WDR1: variants seen among roughly 807,000 people sequenced by gnomAD.
WDR1 encodes WD repeat domain 1.
In WDR1, 21 loss-of-function variants were observed where a neutral mutation model predicts 71.9. That is an observed-to-expected ratio of 0.29 (90% CI 0.21 to 0.42). The LOEUF (loss-of-function observed/expected upper bound fraction) is 0.42, where lower values mean the gene tolerates loss of function less well. Ranked by LOEUF, WDR1 falls within the 10% of genes least tolerant of loss-of-function variation. WDR1 has a pLI of 1.00. For synonymous variants in WDR1, 424 were observed against 347.4 expected, an observed-to-expected ratio of 1.22 and a Z score of -2.45; for missense variants, 696 against 824.5, an observed-to-expected ratio of 0.84 and a Z score of 1.91.
At chr4:10,092,460 A>C (rs1265163861) in intron 5 of WDR1, 1 of 154,074 alleles carries the variant, frequency 6.5e-6, no homozygotes, top group Non-Finnish European at 1.4e-5. Flanking sequence ...CCCAAATCCA[A>C]GTCTGTGGTT....
intron 3 of WDR1, among the ~76,000 whole-genome samples, chr4:10,103,171 T>A (rs777103036): frequency 3.9e-5 from 6 of 151,978 alleles, no homozygotes; most frequent in Non-Finnish European, 8.8e-5. Flanking sequence ...AGTGTACAAA[T>A]AAAACGTGAG....
intron 2 of WDR1, among the ~76,000 whole-genome samples, chr4:10,107,372 G>A (rs1363774579): frequency 6.6e-6 from 1 of 152,124 alleles, no homozygotes; most frequent in Non-Finnish European, 1.5e-5. Flanking sequence ...TGGGAAGAGC[G>A]ATAACTGCTT....
chr4:10,077,588 C>T (rs1764847305), intron 13 of WDR1, 140 bp from the exon 14 acceptor site: 3 of 1,484,642 alleles, frequency 2.0e-6, no homozygotes, highest in Admixed American at 1.9e-5. Flanking sequence ...CCCCTGCAAA[C>T]CCACTGACTC....
intron 11 of WDR1, 48 bp downstream of exon 11, chr4:10,081,309 C>A (rs1765004365): frequency 6.3e-7 from 1 of 1,575,464 alleles, no homozygotes; most frequent in African/African-American, 1.3e-5. Context: ...AGCAAGCAGG[C>A]ACCACACAGC....
chr4:10,082,902 G>A, intron 10 of WDR1, 120 bp downstream of exon 10: 1 of 1,285,638 alleles, frequency 7.8e-7, no homozygotes, highest in Non-Finnish European at 1.1e-6. Flanking sequence ...CTGGGGACGG[G>A]GTGGGAGAGA....
chr4:10,116,361 C>T (rs765055892), intron 1 of WDR1, 127 bp from the exon 2 acceptor site: 17 of 1,397,960 alleles, frequency 1.2e-5, no homozygotes, highest in Non-Finnish European at 1.5e-5. Flanking sequence ...GCGGCCTCCA[C>T]TTTCCACGAG....
chr4:10,081,574 A>T (rs1218427962), intron 10 of WDR1, 130 bp from the exon 11 acceptor site: 11 of 671,614 alleles, frequency 1.6e-5, no homozygotes, highest in African/African-American at 3.7e-5. Context: ...TACTGGAGAG[A>T]CTTGCTAAAA....
Position 10,116,210 on chromosome 4 carries a change from T to A in WDR1, c.41A>T (p.Gln14Leu), listed in dbSNP as rs1560552166. 1 of 1,613,478 alleles carries A rather than the reference T, an allele frequency of 6.2e-7. No individual in the cohort carries two copies. Among genetic ancestry groups the A allele is most frequent in the East Asian group, 2.2e-5 (1 of 44,882 alleles). Residue 14 changes from glutamine (Q) to leucine (L), a missense_variant, in exon 2 of 15, where the codon CAG becomes CTG. Gln to Leu is a moderately radical substitution (Grantham distance 113). Transcript: ENST00000499869. The part of the protein sequence containing the change: ...EIKKVFASLP[Q>L]VERGVSKIIG... Reference sequence around the variant, plus strand: ...GATCTTGGAGACGCCCCTCTCCACCTGCGGGAGGCTGGCGAACACCTTCTC... The same window carrying A: ...GATCTTGGAGACGCCCCTCTCCACCAGCGGGAGGCTGGCGAACACCTTCTC...
rs190336686 is a variant in WDR1 at position 10,099,203 on chromosome 4, C to G, written c.230-64G>C. 5.3e-4 allele frequency: 707 copies of G among 1,338,458 alleles called. 11 individuals carry two copies. The East Asian group carries it at 0.016, about 31-fold the overall frequency. 82.9% of individuals were successfully genotyped at this position (1,338,458 alleles called of 1,614,324 possible). On this transcript the variant is annotated intron_variant, in intron 3 of 14. Transcript: ENST00000499869. ...GGTGGGGTAAAGGGCAGGGGGAGAGCCACAGGTCACTGCCGGGCCAGGGCC... is the reference window on the plus strand; with the variant it reads ...GGTGGGGTAAAGGGCAGGGGGAGAGGCACAGGTCACTGCCGGGCCAGGGCC...
chr4:10,081,553 A>T, intron 10 of WDR1, 109 bp from the exon 11 acceptor site: 2 of 915,024 alleles, frequency 2.2e-6, no homozygotes, highest in Admixed American at 4.0e-5. Flanking sequence ...AGGCAATTCT[A>T]TTGCCACCTA....
intron 11 of WDR1, 138 bp downstream of exon 11, chr4:10,081,219 G>A (rs913403962): frequency 8.8e-6 from 6 of 681,644 alleles, no homozygotes; most frequent in Non-Finnish European, 1.5e-5. Context: ...AAATATGTGA[G>A]ATCCCTTAGT....
At chr4:10,102,144 AC>A (rs1712717634) in intron 3 of WDR1, among the ~76,000 whole-genome samples, 1 of 152,190 alleles carries the variant, frequency 6.6e-6, no homozygotes, top group Non-Finnish European at 1.5e-5. Flanking sequence ...GTGACAGGTA[AC>A]GGGTCACCCA....
At chr4:10,078,198 C>A (rs906814873) in intron 12 of WDR1, among the ~76,000 whole-genome samples, 5 of 152,212 alleles carry the variant, frequency 3.3e-5, no homozygotes, top group African/African-American at 4.8e-5. Context: ...ATGCCCTGGT[C>A]ACATCCGGCA....
At chr4:10,085,701 C>T (rs531097827) in intron 8 of WDR1, among the ~76,000 whole-genome samples, 1 of 152,380 alleles carries the variant, frequency 6.6e-6, no homozygotes, top group East Asian at 1.9e-4. Context: ...CTCCTGCTGC[C>T]CTGAGACTTC....
At chr4:10,094,741 A>G (rs993769936) in intron 5 of WDR1, 5 of 152,182 alleles carry the variant, frequency 3.3e-5, no homozygotes, top group African/African-American at 7.2e-5. Context: ...TCCAGGCCAA[A>G]TGTTCCTCCA....
intron 5 of WDR1, among the ~76,000 whole-genome samples, chr4:10,095,191 G>A (rs578044179): frequency 2.6e-5 from 4 of 152,256 alleles, no homozygotes; most frequent in African/African-American, 9.6e-5. Flanking sequence ...GCGCTGGTGC[G>A]GAGGCAAAGG....
intron 11 of WDR1, 67 bp from the exon 12 acceptor site, chr4:10,079,068 G>C (rs1764911731): frequency 7.5e-7 from 1 of 1,341,744 alleles, no homozygotes; most frequent in African/African-American, 1.5e-5. Context: ...AGTGGTAGGA[G>C]GGGCGCGTCC....
intron 11 of WDR1, 147 bp from the exon 12 acceptor site, chr4:10,079,148 AG>A (rs1307488592): frequency 5.0e-6 from 3 of 604,830 alleles, no homozygotes; most frequent in Non-Finnish European, 8.6e-6. Flanking sequence ...TGGGGCTCTG[AG>A]CCACACCACC....
chr4:10,077,700 T>G lies in WDR1; in HGVS notation c.1569+53A>C. ...CACCAAGTCACAGATAACCTCCCAC[T>G]GCCACCTGCACCGCCCAGCACGGGG... On this transcript the variant is annotated intron_variant, in intron 13 of 14. Coordinates refer to ENST00000499869, the MANE Select transcript of WDR1 (RefSeq NM_017491.5). 28 of 1,493,454 alleles carry G rather than the reference T, an allele frequency of 1.9e-5. No individual in the cohort carries two copies. The South Asian group carries it at 3.7e-4, about 20-fold the overall frequency. The allele number at this position is 1,493,454 out of a possible 1,614,324, so 92.5% of individuals were successfully genotyped here. A position where few individuals can be genotyped will look rare whatever the true frequency, so the allele number is the denominator to read the frequency against.
Sources: gnomAD v4.1 joint callset for allele counts (sites outside exome capture counted in the v4.1 genomes callset) on GRCh38, gnomAD v4.1.1 for gene constraint, MANE v1.5 for transcripts, NCBI Gene and HGNC (gene_info 2026-07-23, HGNC 2026-07-21) for gene names.